The following TBC1D5 variants were observed in gnomAD, a reference collection of about 807,000 sequenced individuals.
TBC1D5 encodes TBC1 domain family, member 5.
TBC1D5 carries 75 observed loss-of-function variants against 100.3 expected under a neutral mutation model. The observed-to-expected ratio is 0.75, with a 90% CI of 0.62 to 0.91. The LOEUF is 0.91. Ranked by LOEUF, TBC1D5 falls within the 40% of genes least tolerant of loss-of-function variation. TBC1D5 has a pLI of 0.00. For synonymous variants in TBC1D5, 323 were observed against 325.6 expected (o/e 0.99, Z 0.09); for missense variants, 910 against 942.4 (o/e 0.97, Z 0.45).
rs188682462 is a variant in TBC1D5 at position 17,484,796 on chromosome 3, A to G, written c.97+23678T>C. 4.7e-4 allele frequency among the ~76,000 whole-genome samples: 71 copies of G among 152,190 alleles called. 1 individual carries two copies. In the East Asian group the frequency reaches 0.014, roughly 29 times the overall value. On this transcript the variant is annotated intron_variant, in intron 3 of 21. Transcript: ENST00000253692. ...ACTAGGCCCGACCTTAAAACCAAGTATATATGCTACCATAGACTTCCTTTC... is the reference window on the plus strand; with the variant it reads ...ACTAGGCCCGACCTTAAAACCAAGTGTATATGCTACCATAGACTTCCTTTC...
At chr3:17,532,825 G>A (rs565949185) in intron 2 of TBC1D5, among the ~76,000 whole-genome samples, 40 of 148,024 alleles carry the variant, frequency 2.7e-4, no homozygotes, top group African/African-American at 9.5e-4. Context: ...ATCACACACC[G>A]GGGACTGTTA....
intron 13 of TBC1D5, among the ~76,000 whole-genome samples, chr3:17,358,957 A>T (rs2091467452): frequency 6.6e-6 from 1 of 152,050 alleles, no homozygotes; most frequent in African/African-American, 2.4e-5. Context: ...TTAATAAAAG[A>T]AATTTTTAGA....
At chr3:17,282,262 A>G (rs2080692581) in intron 15 of TBC1D5, among the ~76,000 whole-genome samples, 1 of 152,214 alleles carries the variant, frequency 6.6e-6, no homozygotes. Context: ...GATATAACAC[A>G]TTCATTTCGC....
intron 3 of TBC1D5, among the ~76,000 whole-genome samples, chr3:17,496,053 T>C (rs955039137): frequency 6.6e-5 from 10 of 152,194 alleles, no homozygotes; most frequent in Non-Finnish European, 1.5e-5. Flanking sequence ...GACTTTCTAC[T>C]TTCTCCTCCA....
intron 2 of TBC1D5, among the ~76,000 whole-genome samples, chr3:17,549,224 C>G (rs2096449843): frequency 6.6e-6 from 1 of 152,176 alleles, no homozygotes; most frequent in African/African-American, 2.4e-5. Context: ...TCACTTGAAC[C>G]TGGGAGGCAG....
intron 13 of TBC1D5, among the ~76,000 whole-genome samples, chr3:17,339,393 A>G (rs1274622505): frequency 6.6e-6 from 1 of 152,204 alleles, no homozygotes; most frequent in African/African-American, 2.4e-5. Flanking sequence ...TATTCCTAGG[A>G]GCCTTTTGCC....
chr3:17,178,128 C>T (rs529207908), intron 19 of TBC1D5, among the ~76,000 whole-genome samples: 18 of 147,494 alleles, frequency 1.2e-4, no homozygotes, highest in Admixed American at 8.9e-4. Context: ...TGCAGTGGCG[C>T]GATCTCGGCT....
Position 17,692,724 on chromosome 3 carries a change from T to G in TBC1D5, c.-101+46619A>C, listed in dbSNP as rs541894775. Among the ~76,000 whole-genome samples the G allele has an allele frequency of 1.0e-3, 155 of 152,382 alleles. 2 individuals carry two copies. The South Asian group carries it at 0.018, about 18-fold the overall frequency. On this transcript the variant is annotated intron_variant, in intron 1 of 21. Coordinates refer to ENST00000253692, the Ensembl canonical transcript of TBC1D5. Reference sequence around the variant, plus strand: ...TCTAAATGCTTTCTCTGAATTTGTTTTTACTTCTTCACAGACCAGTAAAAT... The same window carrying G: ...TCTAAATGCTTTCTCTGAATTTGTTGTTACTTCTTCACAGACCAGTAAAAT...
intron 1 of TBC1D5, among the ~76,000 whole-genome samples, chr3:17,724,518 A>C (rs1217868376): frequency 1.3e-5 from 2 of 151,998 alleles, no homozygotes; most frequent in Admixed American, 1.3e-4. Flanking sequence ...GTAATCTTTT[A>C]TTCTCTGGCA....
In TBC1D5 at chr3:17,240,804, T is replaced by C. The variant is rs562491024; in HGVS notation, c.1332-2385A>G. Among the ~76,000 whole-genome samples, 5 of 152,256 alleles carry C rather than the reference T, an allele frequency of 3.3e-5. No individual in the cohort carries two copies. In the East Asian group the frequency reaches 9.6e-4, roughly 29 times the overall value. ...ACCCTTTTTTATACAAAAAAAGTAC[T>C]AGTCAAATTCCCACATTGCCGGTTG... On this transcript the variant is annotated intron_variant, in intron 16 of 21. Coordinates refer to ENST00000253692, the Ensembl canonical transcript of TBC1D5.
At chr3:17,454,392 A>T (rs531782825) in intron 3 of TBC1D5, among the ~76,000 whole-genome samples, 1 of 152,354 alleles carries the variant, frequency 6.6e-6, no homozygotes, top group South Asian at 2.1e-4. Flanking sequence ...TACAAAAAAA[A>T]ACTAGTAGAA....
chr3:17,559,322 G>A (rs2096542435), intron 2 of TBC1D5, among the ~76,000 whole-genome samples: 1 of 151,618 alleles, frequency 6.6e-6, no homozygotes, highest in African/African-American at 2.4e-5. Context: ...TGCATTTTTG[G>A]TAGAGATCGG....
chr3:17,504,109 A>G (rs1386140490), intron 3 of TBC1D5, among the ~76,000 whole-genome samples: 1 of 151,098 alleles, frequency 6.6e-6, no homozygotes, highest in South Asian at 2.1e-4. Context: ...TTCATACATT[A>G]CAACTTAAGA....
intron 18 of TBC1D5, among the ~76,000 whole-genome samples, chr3:17,190,101 C>T (rs1559378736): frequency 6.6e-6 from 1 of 152,066 alleles, no homozygotes; most frequent in Non-Finnish European, 1.5e-5. Context: ...TCAATGTAGT[C>T]CTGCTATTTC....
intron 2 of TBC1D5, among the ~76,000 whole-genome samples, chr3:17,514,331 G>T (rs567798116): frequency 1.6e-4 from 24 of 152,138 alleles, no homozygotes; most frequent in South Asian, 4.1e-4. Flanking sequence ...AAAAGCATTT[G>T]TCTTAATACA....
chr3:17,203,410 G>A (rs1263655278), intron 18 of TBC1D5, among the ~76,000 whole-genome samples: 1 of 152,230 alleles, frequency 6.6e-6, no homozygotes, highest in Non-Finnish European at 1.5e-5. Context: ...ACTCTGGACT[G>A]TGGACTTTCG....
chr3:17,200,454 T>G (rs1429681986), intron 18 of TBC1D5, among the ~76,000 whole-genome samples: 1 of 152,246 alleles, frequency 6.6e-6, no homozygotes, highest in Non-Finnish European at 1.5e-5. Context: ...TATTGTGAAC[T>G]GCACATGCAA....
chr3:17,447,097 C>G (rs2094816922), intron 3 of TBC1D5, among the ~76,000 whole-genome samples: 1 of 151,988 alleles, frequency 6.6e-6, no homozygotes, highest in Non-Finnish European at 1.5e-5. Flanking sequence ...ACTGTCAAGG[C>G]CAGATAAAAT....
exon 3 of TBC1D5, chr3:17,508,502 G>C: frequency 1.2e-6 from 2 of 1,613,640 alleles, no homozygotes; most frequent in Non-Finnish European, 1.7e-6. Flanking sequence ...AACTGGACAA[G>C]GGGTCAATGC....
Sources: gnomAD v4.1 joint callset for allele counts (sites outside exome capture counted in the v4.1 genomes callset) on GRCh38, gnomAD v4.1.1 for gene constraint, MANE v1.5 for transcripts, NCBI Gene and HGNC (gene_info 2026-07-23, HGNC 2026-07-21) for gene names.